Variants in PCDH9 observed in about 807,000 individuals in gnomAD.
The protein encoded by PCDH9 is protocadherin 9.
PCDH9 carries 24 observed loss-of-function variants against 70.6 expected under a neutral mutation model. That is an observed-to-expected ratio of 0.34 (90% CI 0.25 to 0.48). The LOEUF (loss-of-function observed/expected upper bound fraction) is 0.48. PCDH9 is among the 20% of genes least tolerant of loss of function. PCDH9 has a pLI of 0.99. For missense variants in PCDH9, 1,281 were observed against 1,503.6 expected, an observed-to-expected ratio of 0.85 and a Z score of 2.45; for synonymous variants, 562 against 558.5, an observed-to-expected ratio of 1.01 and a Z score of -0.09.
At chr13:66,983,650 T>C (rs528523219) in intron 2 of PCDH9, among the ~76,000 whole-genome samples, 1 of 152,254 alleles carries the variant, frequency 6.6e-6, no homozygotes, top group South Asian at 2.1e-4. Flanking sequence ...ACAGAAATCA[T>C]AAAACTTTAC....
At chr13:66,846,337 T>A (rs1313642222) in intron 3 of PCDH9, among the ~76,000 whole-genome samples, 1 of 152,146 alleles carries the variant, frequency 6.6e-6, no homozygotes, top group East Asian at 1.9e-4. Context: ...TCAATAAAAA[T>A]TAGTTAACAT....
At chr13:67,067,786 G>A (rs1195118636) in intron 2 of PCDH9, among the ~76,000 whole-genome samples, 1 of 136,234 alleles carries the variant, frequency 7.3e-6, no homozygotes, top group Non-Finnish European at 1.6e-5. Flanking sequence ...CGATGGGGGG[G>A]GCAGTTTCAT....
chr13:66,593,528 T>C (rs1351866833), intron 4 of PCDH9, among the ~76,000 whole-genome samples: 1 of 151,682 alleles, frequency 6.6e-6, no homozygotes, highest in Non-Finnish European at 1.5e-5. Context: ...TATTATTCTG[T>C]ATATAAAAAT....
intron 4 of PCDH9, among the ~76,000 whole-genome samples, chr13:66,386,379 A>G (rs1566286656): frequency 6.6e-6 from 1 of 152,086 alleles, no homozygotes; most frequent in Non-Finnish European, 1.5e-5. Flanking sequence ...ACTCCACCCT[A>G]TAGAGTCCCC....
chr13:67,000,338 G>A (rs1355189773), intron 2 of PCDH9, among the ~76,000 whole-genome samples: 4 of 137,086 alleles, frequency 2.9e-5, no homozygotes, highest in Non-Finnish European at 4.7e-5. Flanking sequence ...GTTGTGGGGT[G>A]GGGGAGGGGG....
intron 4 of PCDH9, among the ~76,000 whole-genome samples, chr13:66,592,129 T>A (rs1212647789): frequency 2.0e-5 from 3 of 151,698 alleles, no homozygotes; most frequent in African/African-American, 7.3e-5. Context: ...GATAGAGGCC[T>A]TTTTTATAAC....
At chr13:66,699,774 T>C (rs1009767974) in intron 3 of PCDH9, among the ~76,000 whole-genome samples, 1 of 152,188 alleles carries the variant, frequency 6.6e-6, no homozygotes, top group Non-Finnish European at 1.5e-5. Flanking sequence ...GGTCATTTGC[T>C]ATGGCCACCC....
At chr13:66,990,851 AC>A (rs1386273869) in intron 2 of PCDH9, 2 of 151,842 alleles carry the variant, frequency 1.3e-5, no homozygotes, top group African/African-American at 4.8e-5. Context: ...CCAAACTTTG[AC>A]AAAAATGCTC....
chr13:66,737,860 C>T (rs1332757863), intron 3 of PCDH9, among the ~76,000 whole-genome samples: 2 of 152,152 alleles, frequency 1.3e-5, no homozygotes, highest in East Asian at 1.9e-4. Flanking sequence ...CATGGAATCT[C>T]GTTGATTGCT....
At chr13:66,825,058 C>A (rs2080794293) in intron 3 of PCDH9, 1 of 151,610 alleles carries the variant, frequency 6.6e-6, no homozygotes, top group East Asian at 1.9e-4. Flanking sequence ...ACAGAAATAG[C>A]ATGTCATTTT....
At chr13:66,805,230 A>G (rs998161726) in intron 3 of PCDH9, among the ~76,000 whole-genome samples, 1 of 152,188 alleles carries the variant, frequency 6.6e-6, no homozygotes, top group African/African-American at 2.4e-5. Context: ...AAGTGTGGAT[A>G]CAACAGAAAT....
intron 2 of PCDH9, among the ~76,000 whole-genome samples, chr13:67,104,285 T>A (rs1467803523): frequency 6.6e-6 from 1 of 152,194 alleles, no homozygotes; most frequent in Non-Finnish European, 1.5e-5. Flanking sequence ...GAAACTCAAA[T>A]ATTTCAGAAA....
intron 3 of PCDH9, among the ~76,000 whole-genome samples, chr13:66,684,614 G>A (rs1475066628): frequency 2.0e-5 from 3 of 152,112 alleles, no homozygotes; most frequent in Non-Finnish European, 4.4e-5. Flanking sequence ...GGATGTGTTT[G>A]CCTTCCCTTC....
intron 3 of PCDH9, among the ~76,000 whole-genome samples, chr13:66,692,053 A>G (rs992622449): frequency 1.3e-5 from 2 of 152,168 alleles, no homozygotes; most frequent in South Asian, 2.1e-4. Context: ...AACTTTACAC[A>G]TGGTGTATAA....
rs186254366 is a variant in PCDH9, at chr13:66,918,950, C to T, written c.3037-15345G>A. Reference sequence around the variant, plus strand: ...TTAATTCTGTTATGCTTCAGCTTTGCTAACACTTGACAAAAATTACTCTTG... The same window carrying T: ...TTAATTCTGTTATGCTTCAGCTTTGTTAACACTTGACAAAAATTACTCTTG... On this transcript the variant is annotated intron_variant, in intron 2 of 4. Transcript: ENST00000377865. 2.6e-5 allele frequency among the ~76,000 whole-genome samples: 4 copies of T among 151,210 alleles called. No homozygotes were observed. The East Asian group carries it at 7.7e-4, about 29-fold the overall frequency.
At chr13:66,988,744 A>C (rs9540962) in intron 2 of PCDH9, among the ~76,000 whole-genome samples, 1 of 151,980 alleles carries the variant, frequency 6.6e-6, no homozygotes. Flanking sequence ...TTTATTTTTA[A>C]TGATGAAGAA....
At chr13:67,215,680 T>C (rs2089584841) in intron 2 of PCDH9, 1 of 152,150 alleles carries the variant, frequency 6.6e-6, no homozygotes, top group South Asian at 2.1e-4. Flanking sequence ...CTCTAAGTGA[T>C]GGAAGAATAT....
At chr13:66,592,295 T>G (rs2077048414) in intron 4 of PCDH9, among the ~76,000 whole-genome samples, 1 of 151,668 alleles carries the variant, frequency 6.6e-6, no homozygotes, top group South Asian at 2.1e-4. Context: ...CCTGCCCTTG[T>G]TAACTCAGAG....
At chr13:66,914,812 G>GAT (rs1188331046) in intron 2 of PCDH9, 2 of 151,664 alleles carry the variant, frequency 1.3e-5, no homozygotes, top group Non-Finnish European at 3.0e-5. Context: ...ACATCTCACA[G>GAT]ATATATTCAG....
Sources: allele counts gnomAD v4.1 joint callset (sites outside exome capture counted in the v4.1 genomes callset), GRCh38; gene constraint gnomAD v4.1.1; transcripts MANE v1.5; gene names NCBI Gene and HGNC (gene_info 2026-07-23, HGNC 2026-07-21).